Variants in INPP5D observed in about 807,000 individuals in gnomAD.
INPP5D encodes the protein phosphatidylinositol 3,4,5-trisphosphate 5-phosphatase 1.
In INPP5D, 33 loss-of-function variants were observed where a neutral mutation model predicts 122.9. That is an observed-to-expected ratio of 0.27 (90% confidence interval 0.20 to 0.36). The LOEUF is 0.36. Among genes scored for constraint, INPP5D ranks in the 10% least tolerant of loss-of-function variants. The pLI, the probability that INPP5D is intolerant of heterozygous loss-of-function variation, is 1.00. For synonymous variants in INPP5D, 584 were observed against 576.2 expected (o/e 1.01, Z -0.19); for missense variants, 1,053 against 1,412.7 (o/e 0.75, Z 4.08).
At chr2:233,200,868 C>T (rs759377733) in intron 25 of INPP5D, among the ~76,000 whole-genome samples, 3 of 151,794 alleles carry the variant, frequency 2.0e-5, no homozygotes, top group Non-Finnish European at 4.4e-5. Flanking sequence ...CTCTGAGACA[C>T]GAGAATCGCT....
chr2:233,079,222 C>T (rs1486019705), intron 1 of INPP5D, 113 bp from the exon 2 acceptor site: 10 of 711,016 alleles, frequency 1.4e-5, no homozygotes, highest in Admixed American at 8.7e-5. Context: ...CTCCGAAATT[C>T]GGAGACTTTG....
intron 2 of INPP5D, among the ~76,000 whole-genome samples, chr2:233,104,553 A>G (rs370583252): frequency 6.6e-6 from 1 of 152,184 alleles, no homozygotes; most frequent in African/African-American, 2.4e-5. Context: ...TGCTGAAGCC[A>G]TGGGGGGTAG....
intron 2 of INPP5D, among the ~76,000 whole-genome samples, chr2:233,097,844 G>A (rs995009071): frequency 6.6e-6 from 1 of 151,868 alleles, no homozygotes; most frequent in Non-Finnish European, 1.5e-5. Context: ...GGGACCCGCC[G>A]TGCAATGCTG....
intron 18 of INPP5D, among the ~76,000 whole-genome samples, chr2:233,179,775 G>C (rs543895622): frequency 6.1e-4 from 93 of 152,286 alleles, no homozygotes; most frequent in African/African-American, 2.2e-3. Context: ...AGAAAAGGGA[G>C]TGAATGTCCA....
intron 14 of INPP5D, 69 bp from the exon 15 acceptor site, chr2:233,169,957 T>G (rs567267953): frequency 1.2e-4 from 193 of 1,601,344 alleles, no homozygotes; most frequent in Admixed American, 3.4e-5. Context: ...ATGGCAGGAG[T>G]GACTTCCTGC....
intron 9 of INPP5D, among the ~76,000 whole-genome samples, chr2:233,157,334 A>G (rs1011721488): frequency 2.6e-5 from 4 of 152,216 alleles, no homozygotes; most frequent in African/African-American, 9.6e-5. Flanking sequence ...GAGAAGACCC[A>G]GAAGCTCTGG....
In INPP5D at chr2:233,163,780, T is replaced by C; in HGVS notation, c.1314T>C (p.Ser438=). 6.2e-7 allele frequency: 1 copy of C among 1,614,014 alleles called. No individual in the cohort carries two copies. Among genetic ancestry groups the C allele is most frequent in the Non-Finnish European group, 8.5e-7 (1 of 1,179,900 alleles). The stretch of plus-strand genomic sequence containing the variant: ...GGCAGGGAAAGACGCGGGACGACTC[T>C]GCGGACTACATCCCCCATGACATTT... The part of the protein sequence containing the change: ...SKGQGKTRDD[S]ADYIPHDIYV... The change falls in exon 12 of 27, where the codon TCT becomes TCC. Residue 438 remains serine, a synonymous_variant. Coordinates refer to ENST00000445964, the MANE Select transcript of INPP5D (RefSeq NM_001017915.3).
At position 233,130,628 on chromosome 2, in the gene INPP5D, G is replaced by A. The variant is rs373077477; in HGVS notation, c.645G>A (p.Leu215=). The change falls in exon 5 of 27, where the codon CTG becomes CTA. Residue 215 remains leucine, a synonymous_variant. Coordinates refer to ENST00000445964, the MANE Select transcript of INPP5D (RefSeq NM_001017915.3). The stretch of plus-strand genomic sequence containing the variant: ...CTCACCTGAAGAAACTGACCACACT[G>A]CTCTGCAAGGAGCTCTATGGGTAAT... ...SLPHLKKLTT[L]LCKELYGEVI... The A allele has an allele frequency of 3.0e-5, 49 of 1,613,998 alleles. No individual in the cohort carries two copies. In the African/African-American group the frequency reaches 5.6e-4, roughly 18 times the overall value.
At chr2:233,184,317 A>G in intron 19 of INPP5D, 91 bp from the exon 20 acceptor site, 2 of 1,505,812 alleles carry the variant, frequency 1.3e-6, no homozygotes, top group African/African-American at 1.4e-5. Flanking sequence ...GGACCCTGAG[A>G]AGGAGCTCAG....
chr2:233,107,528 C>A (rs1281291751), intron 2 of INPP5D, among the ~76,000 whole-genome samples: 1 of 152,176 alleles, frequency 6.6e-6, no homozygotes, highest in Non-Finnish European at 1.5e-5. Flanking sequence ...AGTGCAGAGA[C>A]TGCTGGGGAG....
intron 13 of INPP5D, chr2:233,168,970 C>G (rs1341330933): frequency 3.5e-6 from 1 of 281,732 alleles, no homozygotes; most frequent in African/African-American, 2.2e-5. Flanking sequence ...GGGAGATCAG[C>G]CCACCCAGGC....
rs755600374 is a variant in INPP5D, at chr2:233,184,457, T to C, written c.2211T>C (p.Tyr737=). The part of the protein sequence containing the change: ...SQGQIEFLRC[Y]ATLKTKSQTK... ...GACAGATTGAGTTTCTCAGGTGCTA[T>C]GCCACATTGAAGACCAAGTCCCAGA... is the stretch of plus-strand genomic sequence containing the variant. Residue 737 remains tyrosine (Y), a synonymous_variant, in exon 20 of 27, where the codon TAT becomes TAC. Coordinates refer to ENST00000445964, the MANE Select transcript of INPP5D (RefSeq NM_001017915.3). 1.2e-6 allele frequency: 2 copies of C among 1,614,028 alleles called. No homozygotes were observed. The highest frequency in any genetic ancestry group is 2.2e-5 in the East Asian group (1 of 44,890).
At chr2:233,156,104 G>A (rs1694045602) in intron 9 of INPP5D, among the ~76,000 whole-genome samples, 1 of 152,248 alleles carries the variant, frequency 6.6e-6, no homozygotes, top group African/African-American at 2.4e-5. Flanking sequence ...AAGAGTCTGA[G>A]CCTGAGACCT....
intron 2 of INPP5D, among the ~76,000 whole-genome samples, chr2:233,104,661 G>T (rs1692415263): frequency 6.6e-6 from 1 of 152,192 alleles, no homozygotes; most frequent in Non-Finnish European, 1.5e-5. Flanking sequence ...CTTCTATAAA[G>T]TTGGGGGGTC....
chr2:233,131,301 C>A, intron 5 of INPP5D: 1 of 192,924 alleles, frequency 5.2e-6, no homozygotes, highest in Non-Finnish European at 9.4e-6. Flanking sequence ...AAAGAATTGG[C>A]AAAGAATATT....
chr2:233,195,535 T>A (rs1351509096), intron 24 of INPP5D, 40 bp downstream of exon 24: 1 of 1,611,862 alleles, frequency 6.2e-7, no homozygotes, highest in South Asian at 1.1e-5. Flanking sequence ...GGGGTGGATA[T>A]CAGGGACTCA....
In INPP5D at chr2:233,207,141, G is replaced by A. The variant is rs892340976; in HGVS notation, c.*433G>A. ...GCTTTACGAACATTCGTCATATCAGGATGACCTCGAGAGCTGAGGCTCTAG... is the reference window on the plus strand; with the variant it reads ...GCTTTACGAACATTCGTCATATCAGAATGACCTCGAGAGCTGAGGCTCTAG... On this transcript the variant is annotated 3_prime_UTR_variant, in exon 27 of 27. Coordinates refer to ENST00000445964, the MANE Select transcript of INPP5D (RefSeq NM_001017915.3). This position sits in a 1 kb window ranked among gnomAD's most constrained non-coding sequence, Gnocchi z 4.6. 6.4e-6 allele frequency: 1 copy of A among 157,390 alleles called. No individual in the cohort carries two copies. Among genetic ancestry groups the A allele is most frequent in the African/African-American group, 2.4e-5 (1 of 41,468 alleles). 9.7% of individuals were successfully genotyped at this position (157,390 alleles called of 1,614,324 possible).
intron 22 of INPP5D, among the ~76,000 whole-genome samples, chr2:233,191,337 G>C (rs914311947): frequency 6.6e-6 from 1 of 152,172 alleles, no homozygotes; most frequent in African/African-American, 2.4e-5. Context: ...CCACCCCCAT[G>C]ATTCAATTAT....
At chr2:233,191,770 G>T (rs1362962738) in intron 22 of INPP5D, among the ~76,000 whole-genome samples, 1 of 152,200 alleles carries the variant, frequency 6.6e-6, no homozygotes, top group African/African-American at 2.4e-5. Flanking sequence ...AGGCAGAGGA[G>T]AATGCGCCTG....
Sources: gnomAD v4.1 joint callset for allele counts (sites outside exome capture counted in the v4.1 genomes callset) on GRCh38, gnomAD v4.1.1 for gene constraint, Gnocchi (gnomAD v3.1) non-coding constraint, MANE v1.5 for transcripts, NCBI Gene and HGNC (gene_info 2026-07-23, HGNC 2026-07-21) for gene names.